FHIP1B: variants seen among roughly 807,000 people sequenced by gnomAD.
The protein encoded by FHIP1B is FHF complex subunit HOOK interacting protein 1B.
FHIP1B carries 28 observed loss-of-function variants against 82.2 expected under a neutral mutation model. The ratio of observed to expected loss-of-function variants is 0.34; its 90% CI spans 0.25 to 0.47. The LOEUF (loss-of-function observed/expected upper bound fraction) is 0.47, where lower values mean the gene tolerates loss of function less well. Ranked by LOEUF, FHIP1B falls within the 20% of genes least tolerant of loss-of-function variation. The pLI is 1.00. For missense variants in FHIP1B, 1,110 were observed against 1,262.6 expected (o/e 0.88, Z 1.83); for synonymous variants, 585 against 516.1 (o/e 1.13, Z -1.81).
At chr11:6,231,909 A>G (rs1847709558) in intron 1 of FHIP1B, among the ~76,000 whole-genome samples, 1 of 152,228 alleles carries the variant, frequency 6.6e-6, no homozygotes, top group African/African-American at 2.4e-5. Context: ...AGCTCGGATG[A>G]CCATGTTTTA....
chr11:6,212,852 G>C (rs1264214586), intron 11 of FHIP1B, among the ~76,000 whole-genome samples: 1 of 152,082 alleles, frequency 6.6e-6, no homozygotes, highest in Non-Finnish European at 1.5e-5. Context: ...GAACCCTTCA[G>C]GCACTTTTCA....
At chr11:6,229,442 C>G (rs1242589544) in intron 1 of FHIP1B, among the ~76,000 whole-genome samples, 2 of 152,204 alleles carry the variant, frequency 1.3e-5, no homozygotes, top group East Asian at 3.8e-4. Context: ...GACCCAAGTG[C>G]CCATATCTCT....
intron 9 of FHIP1B, chr11:6,216,777 GCAGA>G (rs1250234501): frequency 7.1e-5 from 34 of 476,234 alleles, no homozygotes; most frequent in Admixed American, 1.8e-4. Flanking sequence ...CTTAGTGCTA[GCAGA>G]CAGTCACAGC....
At chr11:6,220,120 GTATCCTAGATGAGAT>G (rs1847365235) in intron 6 of FHIP1B, among the ~76,000 whole-genome samples, 1 of 151,938 alleles carries the variant, frequency 6.6e-6, no homozygotes, top group Non-Finnish European at 1.5e-5. Context: ...GCAGATGTGA[GTATCCTAGATGAGAT>G]TATCCTAGAT....
At chr11:6,212,555 C>T (rs991583963) in intron 11 of FHIP1B, among the ~76,000 whole-genome samples, 6 of 152,226 alleles carry the variant, frequency 3.9e-5, no homozygotes, top group African/African-American at 1.2e-4. Flanking sequence ...CCACTGGTTG[C>T]GGCCAATTTC....
rs771117512 is a variant in FHIP1B, at chr11:6,217,584, T to C, written c.2002A>G (p.Met668Val). 3.2e-5 allele frequency: 51 copies of C among 1,612,648 alleles called. 1 individual carries two copies. In the South Asian group the frequency reaches 5.0e-4, roughly 16 times the overall value. ...GELLEGISEG[M>V]AGLEGFGQEL... ...TGCCCAAAGCCCTCTAGTCCTGCCATGCCCTCGGAGATGCCCTCTAGCAGT... is the reference window on the plus strand; with the variant it reads ...TGCCCAAAGCCCTCTAGTCCTGCCACGCCCTCGGAGATGCCCTCTAGCAGT... The change falls in exon 9 of 12, where the codon ATG (methionine) becomes GTG (valine). Residue 668 changes from methionine (M) to valine (V), a missense_variant. This residue lies in a region of FHIP1B where 418 missense variants were observed against 371.4 expected (regional missense o/e 1.13). Coordinates refer to ENST00000449352, the MANE Select transcript of FHIP1B (RefSeq NM_001098794.2).
At position 6,217,466 on chromosome 11, in the gene FHIP1B, G is replaced by A; in HGVS notation, c.2120C>T (p.Ala707Val). The A allele has an allele frequency of 6.2e-7, 1 of 1,613,678 alleles. No homozygotes were observed. The highest frequency in any genetic ancestry group is 8.5e-7 in the Non-Finnish European group (1 of 1,179,726). The change falls in exon 9 of 12, where the codon GCC becomes GTC. Residue 707 changes from alanine (A) to valine (V), a missense_variant. Transcript: ENST00000449352. ...AGGGGGACAGGTGAAGCTCTCGTAG[G>A]CCTCCTCCTCCTCAAGGGGCAGTGG... ...EPPLPLEEEE[A>V]YESFTCPPEP...
chr11:6,226,111 G>C (rs1404842083), intron 1 of FHIP1B, among the ~76,000 whole-genome samples: 2 of 152,272 alleles, frequency 1.3e-5, no homozygotes, highest in South Asian at 4.1e-4. Context: ...AAAGGCCGAA[G>C]GAATCCAGAG....
intron 6 of FHIP1B, 80 bp downstream of exon 6, chr11:6,222,362 C>A: frequency 6.7e-7 from 1 of 1,484,770 alleles, no homozygotes; most frequent in Non-Finnish European, 9.3e-7. Flanking sequence ...AAAAGAAGGG[C>A]AGGAATACCC....
In FHIP1B at chr11:6,233,607, A is replaced by T. The variant is rs7107257; in HGVS notation, c.-192+937T>A. Among the ~76,000 whole-genome samples, 508 of 152,344 alleles carry T rather than the reference A, an allele frequency of 3.3e-3. 1 individual carries two copies. Among genetic ancestry groups the T allele is most frequent in the African/African-American group, 0.012 (488 of 41,578 alleles). ...TATAATATAAACTAGCTTTTTAAAA[A>T]ATTCAACTGTAAGAAAGGAGAGTAA... On this transcript the variant is annotated intron_variant, in intron 1 of 11. Transcript: ENST00000449352.
At chr11:6,220,423 A>G (rs892882858) in intron 6 of FHIP1B, among the ~76,000 whole-genome samples, 6 of 152,214 alleles carry the variant, frequency 3.9e-5, no homozygotes, top group African/African-American at 1.4e-4. Flanking sequence ...ATGACCTACA[A>G]AACTGTAAGA....
rs1295451358 is a variant in FHIP1B, at chr11:6,222,448, G to A, written c.1185C>T (p.Asn395=). Residue 395 remains asparagine (N), a synonymous_variant, in exon 6 of 12, where the codon AAC becomes AAT. Transcript: ENST00000449352. ...ACAGGGGTAAGGGCCATACCCGGGA[G>A]TTACTGCCAATACGAGCAACGAGGG... ...LDTLVARIGS[N]SRLCMVSLSL... The A allele has an allele frequency of 6.2e-7, 1 of 1,613,908 alleles. No individual in the cohort carries two copies. Among genetic ancestry groups the A allele is most frequent in the East Asian group, 2.2e-5 (1 of 44,872 alleles).
intron 11 of FHIP1B, among the ~76,000 whole-genome samples, chr11:6,214,034 GAAAAAAAAAAAAAAAAA>G (rs59502569): frequency 2.7e-5 from 1 of 36,634 alleles, no homozygotes; most frequent in African/African-American, 1.1e-4. Context: ...GACCTCTCCT[GAAAAAAAAAAAAAAAAA>G]AAAAAAAAAA....
At chr11:6,214,105 C>T (rs1390124720) in intron 11 of FHIP1B, among the ~76,000 whole-genome samples, 1 of 142,030 alleles carries the variant, frequency 7.0e-6, no homozygotes, top group East Asian at 2.4e-4. Flanking sequence ...ACCCATCTCT[C>T]AAGGCCCATG....
At chr11:6,226,563 G>A (rs1238593144) in intron 1 of FHIP1B, among the ~76,000 whole-genome samples, 2 of 152,182 alleles carry the variant, frequency 1.3e-5, no homozygotes, top group South Asian at 2.1e-4. Flanking sequence ...TAATTAAGCA[G>A]AGAGCAGAGG....
rs374459264 is a variant in FHIP1B, at chr11:6,223,030, C to T, written c.936+50G>A. 8.5e-5 allele frequency: 134 copies of T among 1,575,304 alleles called. No homozygotes were observed. The highest frequency in any genetic ancestry group is 1.1e-4 in the Non-Finnish European group (130 of 1,160,502). On this transcript the variant is annotated intron_variant, in intron 4 of 11. Coordinates refer to ENST00000449352, the MANE Select transcript of FHIP1B (RefSeq NM_001098794.2). The surrounding 1 kb of genome is among the most constrained non-coding windows in gnomAD (Gnocchi z 4.8). Reference sequence around the variant, plus strand: ...GACAGAACTCCAGGGAATATACCCCCTCCTACCTAATCTCCCAAAAATGAC... The same window carrying T: ...GACAGAACTCCAGGGAATATACCCCTTCCTACCTAATCTCCCAAAAATGAC...
rs769777286 is a variant in FHIP1B, at chr11:6,224,104, G to A, written c.283C>T (p.Pro95Ser). The A allele has an allele frequency of 1.2e-6, 2 of 1,614,038 alleles. No individual in the cohort carries two copies. Among genetic ancestry groups the A allele is most frequent in the Non-Finnish European group, 1.7e-6 (2 of 1,179,970 alleles). ...TCGTGCAGAGCAAACTCCAGCAGGG[G>A]CCCAGGGCCTGTGGGGGCCGAGGGA... ...AVPSAPTGPG[P>S]LLEFALHEDL... The change falls in exon 3 of 12, where the codon CCC (proline) becomes TCC (serine). Residue 95 changes from proline (P) to serine (S), a missense_variant. Coordinates refer to ENST00000449352, the MANE Select transcript of FHIP1B (RefSeq NM_001098794.2).
chr11:6,221,819 T>C (rs1847416181), intron 6 of FHIP1B, among the ~76,000 whole-genome samples: 1 of 152,220 alleles, frequency 6.6e-6, no homozygotes, highest in South Asian at 2.1e-4. Context: ...CTTATTAATG[T>C]GTTTGCTTGT....
rs771224879 is a variant in FHIP1B, at chr11:6,223,631, C to T, written c.756G>A (p.Ala252=). ...TAACCGGGCAGAAGTAAGAGTGATC[C>T]GCGATGTAGCGGCCCACAGTGGGGC... ...AGSPTVGRYI[A]DHSYFCPVLA... is the part of the protein sequence containing the mutation. The change falls in exon 3 of 12, where the codon GCG becomes GCA. Residue 252 remains alanine, a synonymous_variant. Transcript: ENST00000449352. This position sits in a 1 kb window ranked among gnomAD's most constrained non-coding sequence, Gnocchi z 4.8. The T allele has an allele frequency of 1.1e-5, 18 of 1,598,288 alleles. No individual in the cohort carries two copies. The highest frequency in any genetic ancestry group is 1.0e-4 in the South Asian group (9 of 88,584).
Sources: gnomAD v4.1 joint callset for allele counts (sites outside exome capture counted in the v4.1 genomes callset) on GRCh38, gnomAD v4.1.1 for gene constraint, gnomAD v4.1.1 regional missense constraint, Gnocchi (gnomAD v3.1) non-coding constraint, MANE v1.5 for transcripts, NCBI Gene and HGNC (gene_info 2026-07-23, HGNC 2026-07-21) for gene names.